The following ROR1 variants were observed in gnomAD, a reference collection of about 807,000 sequenced individuals.
ROR1 encodes inactive tyrosine-protein kinase transmembrane receptor ROR1.
Under a neutral mutation model 78.8 loss-of-function variants are expected in ROR1, and 19 were observed. That is an observed-to-expected ratio of 0.24 (90% CI 0.17 to 0.35). The LOEUF is 0.35. Among genes scored for constraint, ROR1 ranks in the 10% least tolerant of loss-of-function variants. ROR1 has a pLI of 1.00. For synonymous variants in ROR1, 386 were observed against 433.6 expected (o/e 0.89, Z 1.36); for missense variants, 917 against 1,177.8 (o/e 0.78, Z 3.24).
chr1:64,149,369 G>A (rs1341898094), intron 7 of ROR1, among the ~76,000 whole-genome samples: 1 of 152,094 alleles, frequency 6.6e-6, no homozygotes, highest in Non-Finnish European at 1.5e-5. Context: ...TATTTCAGAG[G>A]AACACACATT....
chr1:64,002,235 G>A (rs1039438570), intron 1 of ROR1, among the ~76,000 whole-genome samples: 3 of 150,252 alleles, frequency 2.0e-5, no homozygotes, highest in Non-Finnish European at 2.9e-5. Flanking sequence ...CCTGGTTCAA[G>A]CGATTCTCCT....
In ROR1 at chr1:63,826,453, A is replaced by G. The variant is rs528433714; in HGVS notation, c.91+51945A>G. ...CTTTTTTAGGGCTGCATAGTATTCC[A>G]TGGTGTATACATACCACATTTTCTT... On this transcript the variant is annotated intron_variant, in intron 1 of 8. Transcript: ENST00000371079. Among the ~76,000 whole-genome samples, 8 of 152,268 alleles carry G rather than the reference A, an allele frequency of 5.3e-5. No homozygotes were observed. In the East Asian group the frequency reaches 1.4e-3, roughly 26 times the overall value.
chr1:64,038,087 G>A (rs1569599475), intron 2 of ROR1, among the ~76,000 whole-genome samples: 1 of 151,930 alleles, frequency 6.6e-6, no homozygotes. Context: ...ACTGTTTTGC[G>A]AGGCCAAGGA....
intron 1 of ROR1, among the ~76,000 whole-genome samples, chr1:63,874,849 AC>A (rs1219267868): frequency 6.6e-6 from 1 of 151,864 alleles, no homozygotes; most frequent in African/African-American, 2.4e-5. Context: ...CTTGCTCTCC[AC>A]AGGGCAAGTT....
intron 7 of ROR1, among the ~76,000 whole-genome samples, chr1:64,158,203 T>A (rs1456895815): frequency 6.6e-6 from 1 of 152,216 alleles, no homozygotes; most frequent in Non-Finnish European, 1.5e-5. Context: ...AAAATATACT[T>A]CAAAGTGTTA....
rs114858545 is a variant in ROR1 at position 63,856,174 on chromosome 1, T to C, written c.91+81666T>C. Reference sequence around the variant, plus strand: ...GATGCCAGACATTGTGAATTTTCCTTGTTGGGTACTGGCTATTTTTGTATT... The same window carrying C: ...GATGCCAGACATTGTGAATTTTCCTCGTTGGGTACTGGCTATTTTTGTATT... On this transcript the variant is annotated intron_variant, in intron 1 of 8. Coordinates refer to ENST00000371079, the MANE Select transcript of ROR1 (RefSeq NM_005012.4). Among the ~76,000 whole-genome samples, 531 of 152,278 alleles carry C rather than the reference T, an allele frequency of 3.5e-3. 2 individuals are homozygous for C. The highest frequency in any genetic ancestry group is 0.012 in the African/African-American group (512 of 41,548).
Position 64,178,474 on chromosome 1 carries a change from T to TC in ROR1, c.2434dup (p.Gln812ProfsTer53). 6.2e-7 allele frequency: 1 copy of TC among 1,614,116 alleles called. No homozygotes were observed. The highest frequency in any genetic ancestry group is 8.5e-7 in the Non-Finnish European group (1 of 1,180,026). On this transcript the variant is annotated frameshift_variant, in exon 9 of 9. Transcript: ENST00000371079. LOFTEE classifies it high-confidence loss of function. The surrounding 1 kb of genome is among the most constrained non-coding windows in gnomAD (Gnocchi z 4.3). ...CTGGTTTCATTGGCCCGCCAATACC[T>TC]CAGAACCAGCGATTCATTCCCATCA... is the stretch of plus-strand genomic sequence containing the variant.
intron 1 of ROR1, among the ~76,000 whole-genome samples, chr1:63,854,572 C>T (rs1184007297): frequency 2.0e-5 from 3 of 152,200 alleles, no homozygotes; most frequent in African/African-American, 4.8e-5. Flanking sequence ...ACAATCCGAA[C>T]GTACTTCCAT....
At chr1:63,878,975 C>T (rs1160011749) in intron 1 of ROR1, among the ~76,000 whole-genome samples, 1 of 152,040 alleles carries the variant, frequency 6.6e-6, no homozygotes. Context: ...AATTAATTTC[C>T]TCTAAAGGGT....
chr1:64,019,874 G>A (rs1443950391), intron 2 of ROR1, among the ~76,000 whole-genome samples: 1 of 152,214 alleles, frequency 6.6e-6, no homozygotes, highest in African/African-American at 2.4e-5. Context: ...TTTTGCACAT[G>A]TAATTAAATT....
intron 4 of ROR1, among the ~76,000 whole-genome samples, chr1:64,056,749 T>C: frequency 6.6e-6 from 1 of 152,164 alleles, no homozygotes; most frequent in East Asian, 1.9e-4. Context: ...TGGTTTTGAT[T>C]TGCATTTTCC....
intron 1 of ROR1, among the ~76,000 whole-genome samples, chr1:63,803,849 G>T (rs544585628): frequency 6.6e-6 from 1 of 152,098 alleles, no homozygotes; most frequent in African/African-American, 2.4e-5. Context: ...CATCCATACC[G>T]TGGAATACTA....
chr1:63,838,671 A>G (rs1016144061), intron 1 of ROR1, among the ~76,000 whole-genome samples: 2 of 152,206 alleles, frequency 1.3e-5, no homozygotes, highest in African/African-American at 4.8e-5. Context: ...TTGAAGAAAG[A>G]AAATACTTTA....
intron 7 of ROR1, among the ~76,000 whole-genome samples, chr1:64,144,428 A>G (rs1034217172): frequency 1.3e-5 from 2 of 152,164 alleles, no homozygotes; most frequent in African/African-American, 2.4e-5. Context: ...GAGCATATCT[A>G]CTTAACAAAA....
intron 1 of ROR1, among the ~76,000 whole-genome samples, chr1:63,974,710 C>G (rs1335323608): frequency 1.3e-5 from 2 of 151,888 alleles, no homozygotes. Flanking sequence ...TGATCGTAGC[C>G]CACTGTAACC....
intron 1 of ROR1, among the ~76,000 whole-genome samples, chr1:63,799,110 A>G (rs659207): frequency 0.35 from 52,887 of 151,982 alleles, 13,590 homozygotes; most frequent in African/African-American, 0.73. Context: ...TGTAAAGAAG[A>G]GATGATCATG....
At chr1:64,156,727 G>T (rs964532876) in intron 7 of ROR1, among the ~76,000 whole-genome samples, 2 of 131,820 alleles carry the variant, frequency 1.5e-5, no homozygotes, top group East Asian at 2.3e-4. Flanking sequence ...AAAAAAAAAA[G>T]CAGGGATTTC....
At chr1:64,173,438 G>C (rs1326933873) in intron 8 of ROR1, among the ~76,000 whole-genome samples, 4 of 152,142 alleles carry the variant, frequency 2.6e-5, no homozygotes, top group Admixed American at 2.6e-4. Context: ...CATACTGAAG[G>C]CTAACCTAGC....
intron 1 of ROR1, among the ~76,000 whole-genome samples, chr1:63,938,590 G>A (rs1347320022): frequency 6.6e-6 from 1 of 152,174 alleles, no homozygotes; most frequent in Non-Finnish European, 1.5e-5. Context: ...ATACTGATCG[G>A]ATTGCTGTTC....
Sources: allele counts gnomAD v4.1 joint callset (sites outside exome capture counted in the v4.1 genomes callset), GRCh38; gene constraint gnomAD v4.1.1; non-coding constraint Gnocchi (gnomAD v3.1); transcripts MANE v1.5; gene names NCBI Gene and HGNC (gene_info 2026-07-23, HGNC 2026-07-21).